Variants in TNPO1 observed in about 807,000 individuals in gnomAD.
The protein encoded by TNPO1 is transportin-1.
TNPO1 carries 8 observed loss-of-function variants against 119.5 expected under a neutral mutation model. The observed-to-expected ratio is 0.07, with a 90% CI of 0.04 to 0.12. The LOEUF is 0.12. Among genes scored for constraint, TNPO1 ranks in the 10% least tolerant of loss-of-function variants. The pLI is 1.00. For synonymous variants in TNPO1, 362 were observed against 363.0 expected (o/e 1.00, Z 0.03); for missense variants, 576 against 1,089.8 (o/e 0.53, Z 6.64).
intron 14 of TNPO1, 82 bp from the exon 15 acceptor site, chr5:72,891,728 G>A: frequency 9.9e-7 from 1 of 1,007,046 alleles, no homozygotes; most frequent in South Asian, 1.5e-5. Flanking sequence ...TGCTCAAAAT[G>A]GATTTTAATT....
chr5:72,868,365 G>A (rs1747092503), intron 6 of TNPO1, among the ~76,000 whole-genome samples: 2 of 140,838 alleles, frequency 1.4e-5, no homozygotes, highest in South Asian at 2.3e-4. Context: ...CTGGGAGACG[G>A]AGCTTGCAGT....
intron 21 of TNPO1, 118 bp downstream of exon 21, chr5:72,900,199 C>A: frequency 2.4e-6 from 2 of 825,734 alleles, no homozygotes; most frequent in Non-Finnish European, 3.9e-6. Flanking sequence ...TCATTGCCAA[C>A]CATGTGACTA....
chr5:72,836,638 C>T (rs1016941774), intron 1 of TNPO1, among the ~76,000 whole-genome samples: 1 of 152,206 alleles, frequency 6.6e-6, no homozygotes, highest in Non-Finnish European at 1.5e-5. Context: ...ATACTAATCT[C>T]CTTATCAAAC....
At chr5:72,876,879 G>C (rs1034634870) in intron 8 of TNPO1, among the ~76,000 whole-genome samples, 4 of 152,076 alleles carry the variant, frequency 2.6e-5, no homozygotes, top group African/African-American at 9.7e-5. Flanking sequence ...CAGATCACGA[G>C]GTCAGGAGAT....
rs757862738 is a variant in TNPO1, at chr5:72,888,083, A to T, written c.1309A>T (p.Met437Leu). ...AAGATTTATTTTTTTTCTAGGTTGCATGCAGGGCATGATTCCATACTTGCC... is the reference window on the plus strand; with the variant it reads ...AAGATTTATTTTTTTTCTAGGTTGCTTGCAGGGCATGATTCCATACTTGCC... Reference protein sequence around the residue: ...LVLGAIAEGCMQGMIPYLPEL... With the variant: ...LVLGAIAEGCLQGMIPYLPEL... The change falls in exon 13 of 25, where the codon ATG becomes TTG. Residue 437 changes from methionine to leucine, a missense_variant. Met to Leu is a conservative substitution (Grantham distance 15). Transcript: ENST00000337273. 6.2e-7 allele frequency: 1 copy of T among 1,611,882 alleles called. No homozygotes were observed. Among genetic ancestry groups the T allele is most frequent in the South Asian group, 1.1e-5 (1 of 90,362 alleles).
At chr5:72,898,036 G>A (rs1749561484) in intron 20 of TNPO1, among the ~76,000 whole-genome samples, 1 of 152,066 alleles carries the variant, frequency 6.6e-6, no homozygotes, top group African/African-American at 2.4e-5. Flanking sequence ...TTTTAATTAT[G>A]AAGCAGTTAT....
intron 6 of TNPO1, among the ~76,000 whole-genome samples, chr5:72,869,374 C>T (rs954932922): frequency 5.3e-5 from 8 of 151,920 alleles, no homozygotes; most frequent in African/African-American, 1.9e-4. Context: ...TGGCAAAATC[C>T]TACCTCCATT....
intron 19 of TNPO1, among the ~76,000 whole-genome samples, chr5:72,896,845 G>T (rs1412103678): frequency 1.3e-5 from 2 of 152,178 alleles, no homozygotes; most frequent in African/African-American, 4.8e-5. Context: ...CTCCAGCCTG[G>T]TGACGGAGCG....
At position 72,875,651 on chromosome 5, in the gene TNPO1, G is replaced by A; in HGVS notation, c.715G>A (p.Val239Ile). Residue 239 changes from valine to isoleucine, a missense_variant, in exon 8 of 25, where the codon GTA (valine) becomes ATA (isoleucine). By Grantham distance (29) the Val-to-Ile change is conservative. Around this residue, in one of 6 missense-constraint regions of TNPO1, gnomAD observed 310 missense variants for 583.0 expected, o/e 0.53. Transcript: ENST00000337273. ...ATTAGCTGGTGATGAAGAACCAGAG[G>A]TACGGAAAAATGTGTGCCGAGCACT... Reference protein sequence around the residue: ...FALAGDEEPEVRKNVCRALVM... With the variant: ...FALAGDEEPEIRKNVCRALVM... The A allele has an allele frequency of 6.2e-7, 1 of 1,613,424 alleles. No homozygotes were observed. The highest frequency in any genetic ancestry group is 8.5e-7 in the Non-Finnish European group (1 of 1,179,506).
At chr5:72,906,355 A>C (rs545062653) in intron 24 of TNPO1, among the ~76,000 whole-genome samples, 1 of 115,928 alleles carries the variant, frequency 8.6e-6, no homozygotes, top group South Asian at 2.9e-4. Context: ...GCAGTGGCGC[A>C]ATCTGAGTTC....
chr5:72,854,979 A>T (rs1317128399), intron 3 of TNPO1, among the ~76,000 whole-genome samples: 1 of 152,132 alleles, frequency 6.6e-6, no homozygotes, highest in Non-Finnish European at 1.5e-5. Flanking sequence ...CACTGGAGGA[A>T]AATGATTTCA....
rs752996203 is a variant in TNPO1, at chr5:72,851,336, T to C, written c.205+17T>C. The stretch of plus-strand genomic sequence containing the variant: ...AATCTGAAGGTAAGTAGGATTTGTA[T>C]TGATAACTATTTAAAGTTTCTTTAA... On this transcript the variant is annotated intron_variant, in intron 3 of 24. Coordinates refer to ENST00000337273, the MANE Select transcript of TNPO1 (RefSeq NM_002270.4). 1.4e-6 allele frequency: 2 copies of C among 1,392,016 alleles called. No homozygotes were observed. The highest frequency in any genetic ancestry group is 1.8e-5 in the Admixed American group (1 of 55,510). The allele number at this position is 1,392,016 out of a possible 1,614,324, so 86.2% of individuals were successfully genotyped here. A position where few individuals can be genotyped will look rare whatever the true frequency, so the allele number is the denominator to read the frequency against.
In TNPO1 at chr5:72,856,056, A is replaced by C. The variant is rs111771291; in HGVS notation, c.355+133A>C. ...TTGGGGAAACTTTCATTGCCTTTAAATGCTTTTGAAATGGTGTAATCATGG... is the reference window on the plus strand; with the variant it reads ...TTGGGGAAACTTTCATTGCCTTTAACTGCTTTTGAAATGGTGTAATCATGG... On this transcript the variant is annotated intron_variant, in intron 4 of 24. Coordinates refer to ENST00000337273, the MANE Select transcript of TNPO1 (RefSeq NM_002270.4). 2.2e-3 allele frequency: 2,053 copies of C among 917,082 alleles called. 25 individuals carry two copies. The African/African-American group carries it at 0.028, about 13-fold the overall frequency. The allele number at this position is 917,082 out of a possible 1,614,324, so 56.8% of individuals were successfully genotyped here.
chr5:72,850,839 T>G (rs1007133388), intron 2 of TNPO1, among the ~76,000 whole-genome samples: 1 of 152,262 alleles, frequency 6.6e-6, no homozygotes, highest in Non-Finnish European at 1.5e-5. Flanking sequence ...AGTTAATTTC[T>G]CTAAATGATC....
chr5:72,821,769 TA>T (rs931860989), intron 1 of TNPO1, among the ~76,000 whole-genome samples: 6 of 152,180 alleles, frequency 3.9e-5, no homozygotes, highest in African/African-American at 1.4e-4. Context: ...TTGAATAGAT[TA>T]GGGGGAATGT....
chr5:72,883,885 C>A (rs1039801958), intron 11 of TNPO1, among the ~76,000 whole-genome samples: 1 of 151,972 alleles, frequency 6.6e-6, no homozygotes, highest in South Asian at 2.1e-4. Flanking sequence ...GCTGGGACTA[C>A]AGGTGCTCAC....
rs898900279 is a variant in TNPO1 at position 72,911,693 on chromosome 5, C to T, written c.*3020C>T. The T allele has an allele frequency of 2.6e-5, 4 of 152,644 alleles. No individual in the cohort carries two copies. The highest frequency in any genetic ancestry group is 4.8e-5 in the African/African-American group (2 of 41,564). 9.5% of individuals were successfully genotyped at this position (152,644 alleles called of 1,614,324 possible). A position where few individuals can be genotyped will look rare whatever the true frequency, so the allele number is the denominator to read the frequency against. ...TCTGCCTCTTGGCATGCTTAAAGCA[C>T]GGCTTACTTCATCTGCTCCTTACAC... On this transcript the variant is annotated 3_prime_UTR_variant, in exon 25 of 25. Transcript: ENST00000337273.
At chr5:72,904,441 A>G (rs1228986494) in intron 23 of TNPO1, among the ~76,000 whole-genome samples, 2 of 152,190 alleles carry the variant, frequency 1.3e-5, no homozygotes, top group African/African-American at 4.8e-5. Flanking sequence ...GTTTAAGCAT[A>G]TGCTATGAGG....
chr5:72,860,735 T>C (rs1292350970), intron 4 of TNPO1, among the ~76,000 whole-genome samples: 11 of 152,202 alleles, frequency 7.2e-5, no homozygotes, highest in Non-Finnish European at 1.5e-4. Flanking sequence ...ACTCATCTGC[T>C]TAAGTTTTTC....
Sources: allele counts gnomAD v4.1 joint callset (sites outside exome capture counted in the v4.1 genomes callset), GRCh38; gene constraint gnomAD v4.1.1; regional missense constraint gnomAD v4.1.1; transcripts MANE v1.5; gene names NCBI Gene and HGNC (gene_info 2026-07-23, HGNC 2026-07-21).